ATRNL1: variants seen among roughly 807,000 people sequenced by gnomAD.
ATRNL1 encodes attractin-like protein 1.
A neutral mutation model predicts 182.7 loss-of-function variants in ATRNL1; 95 were observed. The observed-to-expected ratio is 0.52, with a 90% CI of 0.44 to 0.62. The LOEUF (loss-of-function observed/expected upper bound fraction) is 0.62. Among genes scored for constraint, ATRNL1 ranks in the 20% least tolerant of loss-of-function variants. The probability of loss-of-function intolerance (pLI) is 0.00; values close to 1 mark genes in which losing one functional copy is unlikely to be tolerated. For synonymous variants in ATRNL1, 576 were observed against 568.3 expected, an observed-to-expected ratio of 1.01 and a Z score of -0.19; for missense variants, 1,471 against 1,679.5, an observed-to-expected ratio of 0.88 and a Z score of 2.17.
At chr10:115,727,730 C>A (rs1251576404) in intron 27 of ATRNL1, among the ~76,000 whole-genome samples, 3 of 152,138 alleles carry the variant, frequency 2.0e-5, no homozygotes, top group Non-Finnish European at 2.9e-5. Flanking sequence ...ACAAAGTTTA[C>A]TTAGAAAAGG....
At chr10:115,515,255 G>C (rs1850578255) in intron 24 of ATRNL1, among the ~76,000 whole-genome samples, 1 of 147,436 alleles carries the variant, frequency 6.8e-6, no homozygotes, top group Admixed American at 6.8e-5. Context: ...ACCCGTACCA[G>C]TTTATGTTTT....
rs1018210690 is a variant in ATRNL1, at chr10:115,836,103, A to G, written c.3904-11774A>G. On this transcript the variant is annotated intron_variant, in intron 27 of 28. Coordinates refer to ENST00000355044, the MANE Select transcript of ATRNL1 (RefSeq NM_207303.4). ...TAAGGAGCAATTACAACTATTTTCA[A>G]TTTTAAGAACATCATCAATCATACA... Among the ~76,000 whole-genome samples, 7 of 152,178 alleles carry G rather than the reference A, an allele frequency of 4.6e-5. No individual in the cohort carries two copies. In the South Asian group the frequency reaches 6.2e-4, roughly 14 times the overall value.
chr10:115,879,574 C>T (rs917689724), intron 28 of ATRNL1, among the ~76,000 whole-genome samples: 3 of 152,062 alleles, frequency 2.0e-5, no homozygotes, highest in African/African-American at 7.2e-5. Flanking sequence ...GAAAGGGAAC[C>T]GAGAATTTTG....
chr10:115,626,614 A>G (rs1555024724), intron 26 of ATRNL1, among the ~76,000 whole-genome samples: 1 of 152,200 alleles, frequency 6.6e-6, no homozygotes, highest in Admixed American at 6.5e-5. Flanking sequence ...CTCTTAATCT[A>G]CTTTTCATCT....
At chr10:115,371,708 G>A (rs1857405224) in intron 19 of ATRNL1, among the ~76,000 whole-genome samples, 1 of 152,198 alleles carries the variant, frequency 6.6e-6, no homozygotes, top group Non-Finnish European at 1.5e-5. Flanking sequence ...TCTCGGATGA[G>A]ACTGTGGACT....
At chr10:115,430,943 C>A (rs1208403695) in intron 21 of ATRNL1, among the ~76,000 whole-genome samples, 6 of 151,956 alleles carry the variant, frequency 3.9e-5, no homozygotes, top group Admixed American at 3.9e-4. Context: ...GTTGAGAAAT[C>A]CTGATTTAGA....
intron 18 of ATRNL1, among the ~76,000 whole-genome samples, chr10:115,327,267 T>A (rs1854946232): frequency 6.7e-6 from 1 of 150,050 alleles, no homozygotes; most frequent in African/African-American, 2.4e-5. Flanking sequence ...CATCAAAAAG[T>A]GGGCAAAGGA....
chr10:115,766,194 GA>G (rs1187705503), intron 27 of ATRNL1, among the ~76,000 whole-genome samples: 1 of 152,102 alleles, frequency 6.6e-6, no homozygotes, highest in Non-Finnish European at 1.5e-5. Context: ...ATATCTACAG[GA>G]AAAAATCATA....
At chr10:115,379,034 T>G (rs1267633201) in intron 19 of ATRNL1, among the ~76,000 whole-genome samples, 1 of 151,972 alleles carries the variant, frequency 6.6e-6, no homozygotes, top group Non-Finnish European at 1.5e-5. Flanking sequence ...TCTAAAGTGT[T>G]TTTTTTTATA....
intron 26 of ATRNL1, among the ~76,000 whole-genome samples, chr10:115,645,398 A>G (rs1157135635): frequency 8.7e-5 from 13 of 148,662 alleles, no homozygotes; most frequent in African/African-American, 2.2e-4. Context: ...CACTGTTCCT[A>G]TTCCATTCTC....
chr10:115,510,049 A>G (rs1452732990), intron 24 of ATRNL1, among the ~76,000 whole-genome samples: 1 of 152,078 alleles, frequency 6.6e-6, no homozygotes, highest in Non-Finnish European at 1.5e-5. Flanking sequence ...AGATAGCATG[A>G]GTAATATTGA....
chr10:115,934,175 G>T (rs1327331641), intron 28 of ATRNL1, among the ~76,000 whole-genome samples: 1 of 152,170 alleles, frequency 6.6e-6, no homozygotes, highest in Non-Finnish European at 1.5e-5. Flanking sequence ...ATAGACCAGA[G>T]CTAAGCTGTG....
intron 27 of ATRNL1, among the ~76,000 whole-genome samples, chr10:115,785,949 C>T (rs782805176): frequency 2.0e-5 from 3 of 152,110 alleles, no homozygotes; most frequent in Non-Finnish European, 4.4e-5. Context: ...GACTTGCCTC[C>T]AGTTTCCGAT....
intron 26 of ATRNL1, among the ~76,000 whole-genome samples, chr10:115,724,179 CT>C (rs1341605066): frequency 6.6e-6 from 1 of 152,066 alleles, no homozygotes; most frequent in Non-Finnish European, 1.5e-5. Flanking sequence ...TTCAAATTTT[CT>C]TAAGAAAATA....
Position 115,120,098 on chromosome 10 carries a change from T to A in ATRNL1, c.294-87T>A, listed in dbSNP as rs75657201. Reference sequence around the variant, plus strand: ...AATTGTTATGTCCCGTTCCTTTGGCTTAATGACTTTTAAATTTTCTTATCC... The same window carrying A: ...AATTGTTATGTCCCGTTCCTTTGGCATAATGACTTTTAAATTTTCTTATCC... On this transcript the variant is annotated intron_variant, in intron 1 of 28. Coordinates refer to ENST00000355044, the MANE Select transcript of ATRNL1 (RefSeq NM_207303.4). The A allele has an allele frequency of 1.0e-5, 8 of 789,820 alleles. No individual in the cohort carries two copies. The Admixed American group carries it at 1.8e-4, about 18-fold the overall frequency. The allele number at this position is 789,820 out of a possible 1,614,324, so 48.9% of individuals were successfully genotyped here.
chr10:115,531,453 T>G (rs1165725803), intron 25 of ATRNL1, among the ~76,000 whole-genome samples: 1 of 152,226 alleles, frequency 6.6e-6, no homozygotes, highest in Non-Finnish European at 1.5e-5. Flanking sequence ...TTCATACCCT[T>G]TGGCCACTTT....
intron 13 of ATRNL1, among the ~76,000 whole-genome samples, chr10:115,269,353 G>T (rs1851742324): frequency 6.6e-6 from 1 of 151,752 alleles, no homozygotes; most frequent in African/African-American, 2.4e-5. Context: ...TTGTTTTTTT[G>T]AGACAGAGTC....
intron 27 of ATRNL1, among the ~76,000 whole-genome samples, chr10:115,800,592 G>A (rs1555084099): frequency 1.4e-4 from 22 of 152,118 alleles, no homozygotes; most frequent in Non-Finnish European, 1.5e-5. Flanking sequence ...CTTATCTCCT[G>A]CACCAGAGGC....
At chr10:115,537,246 T>G (rs1852085852) in intron 25 of ATRNL1, among the ~76,000 whole-genome samples, 1 of 152,158 alleles carries the variant, frequency 6.6e-6, no homozygotes, top group African/African-American at 2.4e-5. Context: ...AAAGCTGAGG[T>G]TTATCGTACT....
Sources: allele counts gnomAD v4.1 joint callset (sites outside exome capture counted in the v4.1 genomes callset), GRCh38; gene constraint gnomAD v4.1.1; transcripts MANE v1.5; gene names NCBI Gene and HGNC (gene_info 2026-07-23, HGNC 2026-07-21).